GTF2F1: variants seen among roughly 807,000 people sequenced by gnomAD.
The protein encoded by GTF2F1 is general transcription factor IIF subunit 1.
In GTF2F1, 39 loss-of-function variants were observed where a neutral mutation model predicts 63.5. The observed-to-expected ratio is 0.61, with a 90% confidence interval of 0.48 to 0.80. The LOEUF is 0.80. GTF2F1 is among the 30% of genes least tolerant of loss of function. The probability of loss-of-function intolerance (pLI) is 0.00; values close to 1 mark genes in which losing one functional copy is unlikely to be tolerated. For missense variants in GTF2F1, 657 were observed against 718.3 expected (o/e 0.91, Z 0.97); for synonymous variants, 287 against 285.3 (o/e 1.01, Z -0.06).
At position 6,392,469 on chromosome 19, in the gene GTF2F1, G is replaced by C. The variant is rs2092004319; in HGVS notation, c.59+388C>G. The C allele has an allele frequency of 5.8e-6, 3 of 518,974 alleles. No homozygotes were observed. In the Admixed American group the frequency reaches 6.8e-5, roughly 12 times the overall value. The allele number at this position is 518,974 out of a possible 1,614,324, so 32.1% of individuals were successfully genotyped here. A position where few individuals can be genotyped will look rare whatever the true frequency, so the allele number is the denominator to read the frequency against. ...AGAATCATCAAGAATTCACCCAGCA[G>C]AGTCACAGTTTAGGGGTTGAGGGGA... On this transcript the variant is annotated intron_variant, in intron 2 of 12. Transcript: ENST00000394456.
chr19:6,388,007 G>A (rs2091980454), intron 4 of GTF2F1, among the ~76,000 whole-genome samples: 1 of 149,870 alleles, frequency 6.7e-6, no homozygotes, highest in South Asian at 2.1e-4. Context: ...TCAGCTCACT[G>A]CAACCTCCAC....
chr19:6,391,922 T>C lies in GTF2F1; in HGVS notation c.112A>G (p.Asn38Asp). Residue 38 changes from asparagine to aspartate, a missense_variant, in exon 3 of 13, where the codon AAC (asparagine) becomes GAC (aspartate). Physicochemically the swap from Asn to Asp is conservative, Grantham distance 23 (BLOSUM62 1). Coordinates refer to ENST00000394456, the MANE Select transcript of GTF2F1 (RefSeq NM_002096.3). ...IMAFNAADKVNFATWNQARLE... is the reference protein window; with the variant it reads ...IMAFNAADKVDFATWNQARLE... ...CTTACCTGATTCCACGTAGCAAAGT[T>C]GACTTTGTCGGCTGCATTAAAAGCC... 1 of 1,583,902 alleles carries C rather than the reference T, an allele frequency of 6.3e-7. No individual in the cohort carries two copies. Among genetic ancestry groups the C allele is most frequent in the East Asian group, 2.3e-5 (1 of 44,270 alleles).
chr19:6,381,335 AT>A lies in GTF2F1; in HGVS notation c.1018+23del. On this transcript the variant is annotated intron_variant, in intron 9 of 12. Coordinates refer to ENST00000394456, the MANE Select transcript of GTF2F1 (RefSeq NM_002096.3). This position sits in a 1 kb window ranked among gnomAD's most constrained non-coding sequence, Gnocchi z 4.1. Reference sequence around the variant, plus strand: ...CGCCAGGGCCCGACCCAAGCCTCCAATATGGGGGCCACATGCGCCGCACCTT... The same window carrying A: ...CGCCAGGGCCCGACCCAAGCCTCCAAATGGGGGCCACATGCGCCGCACCTT... 1 of 1,562,356 alleles carries A rather than the reference AT, an allele frequency of 6.4e-7. No individual in the cohort carries two copies. The highest frequency in any genetic ancestry group is 8.7e-7 in the Non-Finnish European group (1 of 1,153,108).
rs1285520929 is a variant in GTF2F1, at chr19:6,393,117, AC to A, written c.-123del. ...GTCGGGTCTCTGTGCCTGAGCGAGG[AC>A]CCCAACCCTAGGCGCCTCTGGCGCT... On this transcript the variant is annotated 5_prime_UTR_variant, in exon 1 of 13. Transcript: ENST00000394456. 1.8e-5 allele frequency: 24 copies of A among 1,303,110 alleles called. No homozygotes were observed. Among genetic ancestry groups the A allele is most frequent in the African/African-American group, 5.9e-5 (4 of 68,132 alleles). The allele number at this position is 1,303,110 out of a possible 1,614,324, so 80.7% of individuals were successfully genotyped here. A position where few individuals can be genotyped will look rare whatever the true frequency, so the allele number is the denominator to read the frequency against.
chr19:6,386,941 CCCCCT>C, intron 5 of GTF2F1: 1 of 171,556 alleles, frequency 5.8e-6, no homozygotes, highest in Non-Finnish European at 1.2e-5. Context: ...CCAGCCTCGT[CCCCCT>C]GCCCACAGTC....
chr19:6,380,801 A>G lies in GTF2F1; in HGVS notation c.1231+103T>C. The G allele has an allele frequency of 6.7e-7, 1 of 1,502,380 alleles. No homozygotes were observed. The highest frequency in any genetic ancestry group is 9.0e-7 in the Non-Finnish European group (1 of 1,112,574). 93.1% of individuals were successfully genotyped at this position (1,502,380 alleles called of 1,614,324 possible). ...GGGTTCAAGGGGATCAGGGAGAGAC[A>G]GGCCTCCACCCGCATCTCCATCCCC... On this transcript the variant is annotated intron_variant, in intron 11 of 12. Transcript: ENST00000394456. The surrounding 1 kb of genome is among the most constrained non-coding windows in gnomAD (Gnocchi z 5.3).
chr19:6,387,621 C>G, intron 4 of GTF2F1, 62 bp from the exon 5 acceptor site: 2 of 1,394,698 alleles, frequency 1.4e-6, no homozygotes, highest in African/African-American at 1.4e-5. Context: ...CCCGTGTCCC[C>G]CCGGGGCCTG....
At chr19:6,390,805 G>C (rs1446806563) in intron 3 of GTF2F1, among the ~76,000 whole-genome samples, 1 of 151,938 alleles carries the variant, frequency 6.6e-6, no homozygotes, top group Non-Finnish European at 1.5e-5. Context: ...GCTTGAACCT[G>C]GGAGGTGGAG....
intron 6 of GTF2F1, among the ~76,000 whole-genome samples, chr19:6,382,473 A>T (rs536080343): frequency 3.3e-5 from 5 of 151,952 alleles, no homozygotes; most frequent in Non-Finnish European, 5.9e-5. Flanking sequence ...CTCTACTAAA[A>T]ATACAAAAAT....
chr19:6,381,848 C>A lies in GTF2F1; in HGVS notation c.685G>T (p.Gly229Cys). The change falls in exon 7 of 13, where the codon GGC becomes TGC. Residue 229 changes from glycine to cysteine, a missense_variant and splice_region_variant. By Grantham distance (159) the Gly-to-Cys change is radical (BLOSUM62 -3). This residue lies in a region of GTF2F1 where 602 missense variants were observed against 625.6 expected (regional missense o/e 0.96). Coordinates refer to ENST00000394456, the MANE Select transcript of GTF2F1 (RefSeq NM_002096.3). This position sits in a 1 kb window ranked among gnomAD's most constrained non-coding sequence, Gnocchi z 4.1. ...TTCTTCTTGGCCTTGGGGACTCTGC[C>A]CCCTGGGAAGGGAGGAAAGGAAGGA... ...DASDASGEEG[G>C]RVPKAKKKAP... The A allele has an allele frequency of 6.2e-7, 1 of 1,611,476 alleles. No homozygotes were observed. Among genetic ancestry groups the A allele is most frequent in the Non-Finnish European group, 8.5e-7 (1 of 1,179,282 alleles).
chr19:6,388,096 AT>A (rs1458264320), intron 4 of GTF2F1, among the ~76,000 whole-genome samples: 1 of 135,864 alleles, frequency 7.4e-6, no homozygotes, highest in East Asian at 1.9e-4. Context: ...CACCCAGCTA[AT>A]TTTTGTAGTT....
Position 6,383,457 on chromosome 19 carries a change from T to G in GTF2F1, c.536A>C (p.Gln179Pro). The G allele has an allele frequency of 6.2e-7, 1 of 1,614,150 alleles. No individual in the cohort carries two copies. The highest frequency in any genetic ancestry group is 2.2e-5 in the East Asian group (1 of 44,876). ...KVLNHFSIMQQRRLKDQDQDE... is the reference protein window; with the variant it reads ...KVLNHFSIMQPRRLKDQDQDE... ...CTGGTCCTGATCCTTGAGCCGCCGCTGCTGCATGATGCTGAAGTGGTTCAG... is the reference window on the plus strand; with the variant it reads ...CTGGTCCTGATCCTTGAGCCGCCGCGGCTGCATGATGCTGAAGTGGTTCAG... Residue 179 changes from glutamine (Q) to proline (P), a missense_variant, in exon 6 of 13, where the codon CAG becomes CCG. This residue lies in a region of GTF2F1 where 602 missense variants were observed against 625.6 expected (regional missense o/e 0.96). Transcript: ENST00000394456. The surrounding 1 kb of genome is among the most constrained non-coding windows in gnomAD (Gnocchi z 4.5).
intron 4 of GTF2F1, 116 bp downstream of exon 4, chr19:6,389,328 C>T (rs1014832901): frequency 1.6e-6 from 1 of 638,818 alleles, no homozygotes; most frequent in Non-Finnish European, 2.5e-6. Flanking sequence ...GCCAGCACTT[C>T]CACTGCAGCA....
chr19:6,383,036 G>T lies in GTF2F1; in HGVS notation c.682+275C>A, dbSNP rs1454120533. Among the ~76,000 whole-genome samples the T allele has an allele frequency of 6.6e-6, 1 of 152,130 alleles. No individual in the cohort carries two copies. ...CCTGCCTCAGTCTCCCGAGTAGCTG[G>T]CACTAGAGGCATGCACCACCATGCC... On this transcript the variant is annotated intron_variant, in intron 6 of 12. Coordinates refer to ENST00000394456, the MANE Select transcript of GTF2F1 (RefSeq NM_002096.3). This position sits in a 1 kb window ranked among gnomAD's most constrained non-coding sequence, Gnocchi z 4.5.
rs749438643 is a variant in GTF2F1, at chr19:6,380,576, C to A, written c.1346G>T (p.Ser449Ile). ...CCTGCTGTCCTCGTCAACTTACCCG[C>A]TGTTGGGTGTTGTCTTGCCTGATGG... ...QPPSGKTTPN[S>I]GDVQVTEDAV... Residue 449 changes from serine to isoleucine, a missense_variant, in exon 12 of 13, where the codon AGC becomes ATC. Ser to Ile is a moderately radical substitution (Grantham distance 142). Transcript: ENST00000394456. This position sits in a 1 kb window ranked among gnomAD's most constrained non-coding sequence, Gnocchi z 5.3. 4.3e-6 allele frequency: 7 copies of A among 1,613,774 alleles called. No homozygotes were observed. The highest frequency in any genetic ancestry group is 5.9e-6 in the Non-Finnish European group (7 of 1,179,862).
In GTF2F1 at chr19:6,393,159, G is replaced by A; in HGVS notation, c.-164C>T. The A allele has an allele frequency of 3.6e-6, 3 of 836,696 alleles. No homozygotes were observed. Among genetic ancestry groups the A allele is most frequent in the Non-Finnish European group, 5.7e-6 (3 of 527,136 alleles). The allele number at this position is 836,696 out of a possible 1,614,324, so 51.8% of individuals were successfully genotyped here. ...CTCTGGCGCTGGGAAAAGGTAACCG[G>A]AAGAGGCGCTCAAGCTACTCGGTCT... On this transcript the variant is annotated 5_prime_UTR_variant, in exon 1 of 13. Transcript: ENST00000394456.
chr19:6,383,588 GC>G lies in GTF2F1; in HGVS notation c.498-94del. 1 of 1,345,602 alleles carries G rather than the reference GC, an allele frequency of 7.4e-7. No homozygotes were observed. The highest frequency in any genetic ancestry group is 1.0e-6 in the Non-Finnish European group (1 of 964,868). The allele number at this position is 1,345,602 out of a possible 1,614,324, so 83.4% of individuals were successfully genotyped here. The stretch of plus-strand genomic sequence containing the variant: ...CGAGCCCCAGGGCACCACCCACATA[GC>G]CTTCAAGGTGATGTGGCCCCCGGGG... On this transcript the variant is annotated intron_variant, in intron 5 of 12. Transcript: ENST00000394456. This position sits in a 1 kb window ranked among gnomAD's most constrained non-coding sequence, Gnocchi z 4.5.
At position 6,381,293 on chromosome 19, in the gene GTF2F1, G is replaced by A. The variant is rs2091948777; in HGVS notation, c.1018+66C>T. 18 of 1,545,448 alleles carry A rather than the reference G, an allele frequency of 1.2e-5. No individual in the cohort carries two copies. The highest frequency in any genetic ancestry group is 5.2e-6 in the Non-Finnish European group (6 of 1,144,384). ...GATGAGGGAGGCCTGCAGGGGAGAG[G>A]GGAGGAGGTGGCAGGGCGCCAGGGC... On this transcript the variant is annotated intron_variant, in intron 9 of 12. Transcript: ENST00000394456. The surrounding 1 kb of genome is among the most constrained non-coding windows in gnomAD (Gnocchi z 4.1).
chr19:6,387,624 G>T (rs111231626), intron 4 of GTF2F1, 65 bp from the exon 5 acceptor site: 3 of 1,224,994 alleles, frequency 2.4e-6, no homozygotes, highest in Non-Finnish European at 3.5e-6. Context: ...GTGTCCCCCC[G>T]GGGCCTGCCT....
Sources: gnomAD v4.1 joint callset for allele counts (sites outside exome capture counted in the v4.1 genomes callset) on GRCh38, gnomAD v4.1.1 for gene constraint, gnomAD v4.1.1 regional missense constraint, Gnocchi (gnomAD v3.1) non-coding constraint, MANE v1.5 for transcripts, NCBI Gene and HGNC (gene_info 2026-07-23, HGNC 2026-07-21) for gene names.